Variants in SPOCK3 observed in about 807,000 individuals in gnomAD.
The protein encoded by SPOCK3 is SPARC (osteonectin), cwcv and kazal like domains proteoglycan 3, also known as testican-3.
Under a neutral mutation model 56.6 loss-of-function variants are expected in SPOCK3, and 30 were observed. The observed-to-expected ratio is 0.53, with a 90% CI of 0.40 to 0.72. The LOEUF (loss-of-function observed/expected upper bound fraction) is 0.72. Among genes scored for constraint, SPOCK3 ranks in the 30% least tolerant of loss-of-function variants. SPOCK3 has a pLI of 0.00. For synonymous variants in SPOCK3, 196 were observed against 183.3 expected, an observed-to-expected ratio of 1.07 and a Z score of -0.56; for missense variants, 527 against 530.0, an observed-to-expected ratio of 0.99 and a Z score of 0.06.
intron 2 of SPOCK3, among the ~76,000 whole-genome samples, chr4:167,147,006 A>C (rs1303465564): frequency 6.6e-6 from 1 of 152,154 alleles, no homozygotes; most frequent in Non-Finnish European, 1.5e-5. Flanking sequence ...CCTTCAAAAA[A>C]TCAATGAATC....
At chr4:167,006,693 T>A (rs1749499958) in intron 3 of SPOCK3, among the ~76,000 whole-genome samples, 1 of 152,184 alleles carries the variant, frequency 6.6e-6, no homozygotes, top group Non-Finnish European at 1.5e-5. Context: ...AAATACAGAC[T>A]TTTTGGGGAA....
intron 2 of SPOCK3, among the ~76,000 whole-genome samples, chr4:167,118,100 A>T (rs919314797): frequency 1.3e-5 from 2 of 152,120 alleles, no homozygotes; most frequent in African/African-American, 4.8e-5. Flanking sequence ...CTGCTTGAAA[A>T]GTTCTTTCAG....
At chr4:167,188,222 C>T (rs1732186011) in intron 2 of SPOCK3, among the ~76,000 whole-genome samples, 1 of 146,022 alleles carries the variant, frequency 6.8e-6, no homozygotes, top group African/African-American at 2.6e-5. Flanking sequence ...TTATGACTCC[C>T]ACACCAAAGA....
chr4:166,871,815 T>A (rs1426824923), intron 6 of SPOCK3, among the ~76,000 whole-genome samples: 1 of 150,534 alleles, frequency 6.6e-6, no homozygotes, highest in East Asian at 1.9e-4. Context: ...ATAAATTATT[T>A]TATATATAAA....
At chr4:166,880,457 C>T (rs1733569588) in intron 6 of SPOCK3, among the ~76,000 whole-genome samples, 2 of 152,172 alleles carry the variant, frequency 1.3e-5, no homozygotes, top group Non-Finnish European at 2.9e-5. Flanking sequence ...TTTGTTCACT[C>T]TCATGATTTG....
chr4:166,769,952 C>G (rs537611506), intron 7 of SPOCK3, among the ~76,000 whole-genome samples: 54 of 152,196 alleles, frequency 3.5e-4, no homozygotes, highest in African/African-American at 1.3e-3. Flanking sequence ...GTGCTAGTAA[C>G]GAGTGAGGCT....
At chr4:166,908,743 A>T (rs1736906252) in intron 5 of SPOCK3, among the ~76,000 whole-genome samples, 1 of 152,066 alleles carries the variant, frequency 6.6e-6, no homozygotes, top group South Asian at 2.1e-4. Context: ...ACTTGTGCTC[A>T]CGGCAAATGT....
At chr4:166,952,338 T>G (rs1742762887) in intron 4 of SPOCK3, among the ~76,000 whole-genome samples, 2 of 152,146 alleles carry the variant, frequency 1.3e-5, no homozygotes, top group African/African-American at 2.4e-5. Context: ...TCACAATTGC[T>G]TCAAAGTGAA....
intron 6 of SPOCK3, among the ~76,000 whole-genome samples, chr4:166,826,798 C>G (rs960706761): frequency 2.0e-5 from 3 of 151,882 alleles, no homozygotes; most frequent in African/African-American, 7.3e-5. Flanking sequence ...TGTCACTCAC[C>G]CCTTTGTAGT....
chr4:166,902,162 C>T (rs74287166), intron 5 of SPOCK3, among the ~76,000 whole-genome samples: 4,416 of 152,160 alleles, frequency 0.029, 186 homozygotes, highest in African/African-American at 0.09. Context: ...AATTTTCTTT[C>T]AATATTTTAA....
chr4:167,081,782 G>C (rs1025406134), intron 2 of SPOCK3, among the ~76,000 whole-genome samples: 1 of 152,018 alleles, frequency 6.6e-6, no homozygotes, highest in African/African-American at 2.4e-5. Context: ...ATATGAAATT[G>C]TGAAGGAGAA....
chr4:167,001,834 G>A (rs981334481), intron 3 of SPOCK3, among the ~76,000 whole-genome samples: 6 of 152,072 alleles, frequency 3.9e-5, no homozygotes, highest in African/African-American at 1.2e-4. Flanking sequence ...GCTGACCAGC[G>A]GAAATAAAAT....
chr4:166,749,531 A>C lies in SPOCK3; in HGVS notation c.931+4977T>G, dbSNP rs1736096966. ...AGGGATAGCATTAGGAGAAATACCT[A>C]TTGTAAATGACGAGTTTATGGGTGC... On this transcript the variant is annotated intron_variant, in intron 8 of 10. Transcript: ENST00000357545. Among the ~76,000 whole-genome samples the C allele has an allele frequency of 2.6e-5, 4 of 152,106 alleles. No homozygotes were observed. The South Asian group carries it at 8.3e-4, about 32-fold the overall frequency.
intron 2 of SPOCK3, among the ~76,000 whole-genome samples, chr4:167,205,577 T>A (rs1219818447): frequency 1.4e-4 from 12 of 84,228 alleles, no homozygotes; most frequent in African/African-American, 5.8e-4. Flanking sequence ...ATATATATAA[T>A]ATAATATAAA....
At chr4:167,117,298 G>A (rs1298738020) in intron 2 of SPOCK3, among the ~76,000 whole-genome samples, 2 of 152,108 alleles carry the variant, frequency 1.3e-5, no homozygotes, top group Admixed American at 1.3e-4. Context: ...GCTGGTATGA[G>A]GGAGTAGAAT....
At chr4:167,054,621 T>G (rs1425692838) in intron 3 of SPOCK3, among the ~76,000 whole-genome samples, 2 of 152,238 alleles carry the variant, frequency 1.3e-5, no homozygotes, top group Non-Finnish European at 2.9e-5. Flanking sequence ...TTAGCTCATT[T>G]TGCAGCAGAT....
rs759123811 is a variant in SPOCK3, at chr4:166,742,038, A to T, written c.953T>A (p.Leu318His). The T allele has an allele frequency of 6.2e-6, 10 of 1,613,048 alleles. No individual in the cohort carries two copies. The highest frequency in any genetic ancestry group is 6.8e-6 in the Non-Finnish European group (8 of 1,179,258). ...CCCTTGCCGCTTCTGAATATTGCTG[A>T]GCTCAGTCTGGCAAGGTGGGTCTGC... is the stretch of plus-strand genomic sequence containing the variant. The part of the protein sequence containing the change: ...RQQDPPCQTE[L>H]SNIQKRQGVK... Residue 318 changes from leucine to histidine, a missense_variant, in exon 9 of 11, where the codon CTC (leucine) becomes CAC (histidine). Coordinates refer to ENST00000357545, the MANE Select transcript of SPOCK3 (RefSeq NM_001040159.2).
At chr4:167,066,147 G>T (rs1756110227) in intron 2 of SPOCK3, among the ~76,000 whole-genome samples, 1 of 151,838 alleles carries the variant, frequency 6.6e-6, no homozygotes, top group South Asian at 2.1e-4. Flanking sequence ...TGGTTTTAAT[G>T]TTGCATTTTT....
At chr4:166,983,555 T>C (rs931640771) in intron 4 of SPOCK3, among the ~76,000 whole-genome samples, 25 of 152,210 alleles carry the variant, frequency 1.6e-4, no homozygotes, top group African/African-American at 6.0e-4. Context: ...TAAATTCTAG[T>C]GTTCTATAGC....
Sources: allele counts gnomAD v4.1 joint callset (sites outside exome capture counted in the v4.1 genomes callset), GRCh38; gene constraint gnomAD v4.1.1; transcripts MANE v1.5; gene names NCBI Gene and HGNC (gene_info 2026-07-23, HGNC 2026-07-21).